Variants in TP53BP1 observed in about 807,000 individuals in gnomAD.
The protein encoded by TP53BP1 is TP53-binding protein 1.
In TP53BP1, 61 loss-of-function variants were observed where a neutral mutation model predicts 200.8. The observed-to-expected ratio is 0.30, with a 90% CI of 0.25 to 0.38. The LOEUF (loss-of-function observed/expected upper bound fraction) is 0.38. Ranked by LOEUF, TP53BP1 falls within the 10% of genes least tolerant of loss-of-function variation. TP53BP1 has a pLI of 1.00. For synonymous variants in TP53BP1, 822 were observed against 844.3 expected, an observed-to-expected ratio of 0.97 and a Z score of 0.46; for missense variants, 2,144 against 2,371.9, an observed-to-expected ratio of 0.90 and a Z score of 2.00.
intron 10 of TP53BP1, among the ~76,000 whole-genome samples, chr15:43,473,689 G>C (rs11856120): frequency 0.035 from 5,352 of 152,118 alleles, 188 homozygotes; most frequent in East Asian, 0.097. Context: ...ACAGGGTGCT[G>C]ACTGGTGTGT....
intron 2 of TP53BP1, 75 bp from the exon 3 acceptor site, chr15:43,492,170 T>G: frequency 6.6e-7 from 1 of 1,508,146 alleles, no homozygotes. Flanking sequence ...TTGTGAACAA[T>G]TTTTCCAATC....
chr15:43,409,764 GATA>G, intron 24 of TP53BP1, 23 bp from the exon 25 acceptor site: 2 of 1,221,728 alleles, frequency 1.6e-6, no homozygotes, highest in Admixed American at 2.3e-5. Context: ...AAAAAACCAA[GATA>G]ATAATTACTG....
At chr15:43,455,058 G>A (rs537674472) in intron 12 of TP53BP1, among the ~76,000 whole-genome samples, 30 of 152,230 alleles carry the variant, frequency 2.0e-4, no homozygotes, top group African/African-American at 6.5e-4. Context: ...AGTAATCTAC[G>A]TTTTCATGCT....
chr15:43,491,790 T>C, intron 3 of TP53BP1, 37 bp from the exon 4 acceptor site: 1 of 1,538,408 alleles, frequency 6.5e-7, no homozygotes, highest in African/African-American at 1.4e-5. Context: ...TGAAAGACAT[T>C]TACCAACAAA....
chr15:43,492,623 C>T (rs2079142747), intron 1 of TP53BP1, among the ~76,000 whole-genome samples, 155 bp from the exon 2 acceptor site: 1 of 152,152 alleles, frequency 6.6e-6, no homozygotes, highest in South Asian at 2.1e-4. Flanking sequence ...TTGCTGCAAG[C>T]ACTTTCCTAT....
intron 14 of TP53BP1, among the ~76,000 whole-genome samples, 188 bp from the exon 15 acceptor site, chr15:43,441,771 G>C (rs2045930419): frequency 2.0e-5 from 3 of 152,070 alleles, no homozygotes; most frequent in South Asian, 4.2e-4. Context: ...TCTTTATTTT[G>C]AGACAGTCTC....
At chr15:43,426,404 C>T (rs1595539228) in intron 18 of TP53BP1, among the ~76,000 whole-genome samples, 1 of 139,808 alleles carries the variant, frequency 7.2e-6, no homozygotes. Flanking sequence ...CAGGCCACTG[C>T]ACTCCAACCT....
At chr15:43,474,534 G>C (rs763400862) in intron 10 of TP53BP1, 139 bp downstream of exon 10, 19 of 531,924 alleles carry the variant, frequency 3.6e-5, no homozygotes, top group Non-Finnish European at 6.0e-5. Flanking sequence ...CATCCCTAAA[G>C]GTTAGACAAA....
Position 43,493,133 on chromosome 15 carries a change from A to C in TP53BP1, c.-90T>G. ...CGATCCCTAGGTCGCCGCTGTCGCC[A>C]CCGCCGCCACCGGCCGCGAACTCCC... On this transcript the variant is annotated 5_prime_UTR_variant, in exon 1 of 28. Coordinates refer to ENST00000382044, the MANE Select transcript of TP53BP1 (RefSeq NM_001141980.3). 1.3e-6 allele frequency: 2 copies of C among 1,581,072 alleles called. No individual in the cohort carries two copies.
chr15:43,482,407 G>A (rs1403596675), intron 4 of TP53BP1, among the ~76,000 whole-genome samples: 1 of 151,992 alleles, frequency 6.6e-6, no homozygotes, highest in African/African-American at 2.4e-5. Context: ...AGGCCGAAGT[G>A]GGCGGATCAT....
At chr15:43,463,900 G>C (rs761020655) in intron 11 of TP53BP1, among the ~76,000 whole-genome samples, 1 of 152,086 alleles carries the variant, frequency 6.6e-6, no homozygotes, top group Admixed American at 6.6e-5. Flanking sequence ...ACCTGCACCT[G>C]CCTCCCAACC....
At chr15:43,473,357 G>T (rs1017453240) in intron 10 of TP53BP1, among the ~76,000 whole-genome samples, 4 of 152,104 alleles carry the variant, frequency 2.6e-5, no homozygotes, top group Non-Finnish European at 5.9e-5. Context: ...GCTGACAGGG[G>T]GCTGATTGGT....
At position 43,456,190 on chromosome 15, in the gene TP53BP1, T is replaced by A. The variant is rs1229776669; in HGVS notation, c.2418A>T (p.Arg806Ser). Reference protein sequence around the residue: ...APEIEPCAENRLDTKEEKSVE... With the variant: ...APEIEPCAENSLDTKEEKSVE... Reference sequence around the variant, plus strand: ...CACTCTTTTCTTCCTTGGTGTCTAATCTATTCTCAGCACATGGTTCTATTT... The same window carrying A: ...CACTCTTTTCTTCCTTGGTGTCTAAACTATTCTCAGCACATGGTTCTATTT... The change falls in exon 12 of 28, where the codon AGA (arginine) becomes AGT (serine). Residue 806 changes from arginine to serine, a missense_variant. Coordinates refer to ENST00000382044, the MANE Select transcript of TP53BP1 (RefSeq NM_001141980.3). 2.5e-6 allele frequency: 4 copies of A among 1,614,226 alleles called. No individual in the cohort carries two copies. The highest frequency in any genetic ancestry group is 3.4e-6 in the Non-Finnish European group (4 of 1,180,044).
At chr15:43,419,814 A>G (rs2045352905) in intron 21 of TP53BP1, among the ~76,000 whole-genome samples, 1 of 152,206 alleles carries the variant, frequency 6.6e-6, no homozygotes, top group South Asian at 2.1e-4. Flanking sequence ...CATGAAAAAC[A>G]AAAGACTGAG....
intron 1 of TP53BP1, 101 bp downstream of exon 1, chr15:43,492,936 C>T: frequency 1.3e-6 from 2 of 1,491,576 alleles, no homozygotes; most frequent in Non-Finnish European, 1.8e-6. Flanking sequence ...CCGTCACCGC[C>T]GCCATGCTTG....
chr15:43,440,462 C>A (rs184232447), intron 15 of TP53BP1, among the ~76,000 whole-genome samples: 1 of 149,898 alleles, frequency 6.7e-6, no homozygotes, highest in Non-Finnish European at 1.5e-5. Context: ...TTGCAGTGAG[C>A]GGAGATCGTG....
chr15:43,430,309 C>G (rs2045640375), intron 17 of TP53BP1, among the ~76,000 whole-genome samples: 2 of 152,200 alleles, frequency 1.3e-5, no homozygotes, highest in South Asian at 4.1e-4. Context: ...GCACCGACAC[C>G]TGGAAAACTT....
intron 21 of TP53BP1, among the ~76,000 whole-genome samples, chr15:43,418,359 A>T (rs971194136): frequency 2.0e-5 from 3 of 150,730 alleles, no homozygotes; most frequent in Non-Finnish European, 4.4e-5. Context: ...AAAATTAGCC[A>T]GGTGTGGTGG....
In TP53BP1 at chr15:43,415,921, C is replaced by G. The variant is rs922227908; in HGVS notation, c.4874-112G>C. On this transcript the variant is annotated intron_variant, in intron 22 of 27. Coordinates refer to ENST00000382044, the MANE Select transcript of TP53BP1 (RefSeq NM_001141980.3). ...CACCACAGTGTTCCTTCCCCCACTT[C>G]CCATGAGGCCAAGAAGCTTCTTTTT... The G allele has an allele frequency of 1.8e-5, 16 of 894,172 alleles. No individual in the cohort carries two copies. In the Admixed American group the frequency reaches 3.9e-4, roughly 22 times the overall value. The allele number at this position is 894,172 out of a possible 1,614,324, so 55.4% of individuals were successfully genotyped here.
Sources: allele counts gnomAD v4.1 joint callset (sites outside exome capture counted in the v4.1 genomes callset), GRCh38; gene constraint gnomAD v4.1.1; transcripts MANE v1.5; gene names NCBI Gene and HGNC (gene_info 2026-07-23, HGNC 2026-07-21).